CHD7: variants seen among roughly 807,000 people sequenced by gnomAD.
CHD7 encodes chromodomain helicase DNA binding protein 7, also known as ATP-dependent chromatin remodeler CHD7.
In CHD7, 24 loss-of-function variants were observed where a neutral mutation model predicts 307.3. The observed-to-expected ratio is 0.08, with a 90% CI of 0.06 to 0.11. The LOEUF (loss-of-function observed/expected upper bound fraction) is 0.11, where lower values mean the gene tolerates loss of function less well. Ranked by LOEUF, CHD7 falls within the 10% of genes least tolerant of loss-of-function variation. The pLI, the probability that CHD7 is intolerant of heterozygous loss-of-function variation, is 1.00. For missense variants in CHD7, 3,106 were observed against 3,727.1 expected (o/e 0.83, Z 4.34); for synonymous variants, 1,363 against 1,349.9 (o/e 1.01, Z -0.21).
chr8:60,690,120 T>G (rs958760863), intron 1 of CHD7, among the ~76,000 whole-genome samples: 1 of 152,094 alleles, frequency 6.6e-6, no homozygotes, highest in Non-Finnish European at 1.5e-5. Context: ...TATTCTCAAA[T>G]AGGTATACAG....
intron 9 of CHD7, among the ~76,000 whole-genome samples, chr8:60,821,265 T>G (rs1395714813): frequency 6.6e-6 from 1 of 152,194 alleles, no homozygotes; most frequent in African/African-American, 2.4e-5. Context: ...AAATCTCAAA[T>G]TCAGCTTTGC....
rs1805229927 is a variant in CHD7 at position 60,846,834 on chromosome 8, T to C, written c.5210+1425T>C. ...ACCTCCTCAAGGACCCTCAGCCAGTTAGGGGGCAGAACCAGGTTTGAACCC... is the reference window on the plus strand; with the variant it reads ...ACCTCCTCAAGGACCCTCAGCCAGTCAGGGGGCAGAACCAGGTTTGAACCC... On this transcript the variant is annotated intron_variant, in intron 23 of 37. Transcript: ENST00000423902. Among the ~76,000 whole-genome samples the C allele has an allele frequency of 2.0e-5, 3 of 152,186 alleles. No individual in the cohort carries two copies. The South Asian group carries it at 6.2e-4, about 31-fold the overall frequency.
chr8:60,789,816 T>C (rs1811683710), intron 3 of CHD7, among the ~76,000 whole-genome samples: 1 of 152,276 alleles, frequency 6.6e-6, no homozygotes, highest in African/African-American at 2.4e-5. Context: ...AGTTGTAAGC[T>C]GAACATGACT....
chr8:60,845,469 C>T, intron 23 of CHD7, 60 bp downstream of exon 23: 3 of 1,538,466 alleles, frequency 1.9e-6, no homozygotes, highest in Admixed American at 1.9e-5. Context: ...TTAAAAAATA[C>T]ATGCAGCCGG....
intron 29 of CHD7, 108 bp from the exon 30 acceptor site, chr8:60,852,390 C>G (rs1805495176): frequency 7.7e-7 from 1 of 1,302,080 alleles, no homozygotes; most frequent in African/African-American, 1.5e-5. Context: ...TGTTTCCCCA[C>G]CCCCAAATAA....
chr8:60,707,310 T>C (rs901003983), intron 1 of CHD7, among the ~76,000 whole-genome samples: 2 of 152,230 alleles, frequency 1.3e-5, no homozygotes, highest in African/African-American at 4.8e-5. Context: ...TGTGATCCTC[T>C]ACATCCAGCA....
At chr8:60,784,373 AC>A (rs1811394948) in intron 3 of CHD7, among the ~76,000 whole-genome samples, 1 of 152,232 alleles carries the variant, frequency 6.6e-6, no homozygotes, top group South Asian at 2.1e-4. Context: ...AATAAACAGA[AC>A]CGAAATGAAA....
At chr8:60,765,828 C>T (rs1176682041) in intron 2 of CHD7, among the ~76,000 whole-genome samples, 2 of 152,100 alleles carry the variant, frequency 1.3e-5, no homozygotes, top group African/African-American at 4.8e-5. Flanking sequence ...TTGCTAAAAC[C>T]AGAAGATTTG....
intron 33 of CHD7, 29 bp downstream of exon 33, chr8:60,856,231 T>A (rs1563664660): frequency 6.6e-7 from 1 of 1,509,520 alleles, no homozygotes; most frequent in East Asian, 2.4e-5. Flanking sequence ...TTTCTGCAGC[T>A]TAAAAGGGAG....
intron 2 of CHD7, among the ~76,000 whole-genome samples, chr8:60,760,062 A>G (rs1810102151): frequency 6.6e-6 from 1 of 152,186 alleles, no homozygotes. Context: ...AGTTTAGTTC[A>G]GGGAAGAGGT....
At chr8:60,852,407 T>A (rs758497093) in intron 29 of CHD7, 91 bp from the exon 30 acceptor site, 1 of 1,348,774 alleles carries the variant, frequency 7.4e-7, no homozygotes. Context: ...ATAACTACCA[T>A]GTATAAAGTC....
chr8:60,830,330 A>G lies in CHD7; in HGVS notation c.3531A>G (p.Lys1177=), dbSNP rs1804451477. ...GDLKTEEQVQ[K]LQAILKPMML... is the part of the protein sequence containing the mutation. Reference sequence around the variant, plus strand: ...TTAAGGTCCTTTTTTAGGTGCAAAAACTTCAAGCTATTCTAAAGCCAATGA... The same window carrying G: ...TTAAGGTCCTTTTTTAGGTGCAAAAGCTTCAAGCTATTCTAAAGCCAATGA... The change falls in exon 15 of 38, where the codon AAA becomes AAG. Residue 1177 remains lysine (K), a synonymous_variant. Coordinates refer to ENST00000423902, the MANE Select transcript of CHD7 (RefSeq NM_017780.4). 2 of 1,610,410 alleles carry G rather than the reference A, an allele frequency of 1.2e-6. No individual in the cohort carries two copies. Among genetic ancestry groups the G allele is most frequent in the Admixed American group, 3.4e-5 (2 of 59,268 alleles).
Position 60,739,032 on chromosome 8 carries a change from G to A in CHD7, c.-174-2227G>A, listed in dbSNP as rs572891030. 3.9e-5 allele frequency among the ~76,000 whole-genome samples: 6 copies of A among 152,148 alleles called. No individual in the cohort carries two copies. In the South Asian group the frequency reaches 1.0e-3, roughly 26 times the overall value. The stretch of plus-strand genomic sequence containing the variant: ...ATAAAAAGTTAGCACCAACTTCATC[G>A]CCACTTCTCCAAGCTTGATCTGACT... On this transcript the variant is annotated intron_variant, in intron 1 of 37. Coordinates refer to ENST00000423902, the MANE Select transcript of CHD7 (RefSeq NM_017780.4).
chr8:60,811,552 G>A (rs761330777), intron 7 of CHD7, among the ~76,000 whole-genome samples: 39 of 152,100 alleles, frequency 2.6e-4, no homozygotes, highest in Non-Finnish European at 4.0e-4. Context: ...CATGACTGCC[G>A]TAACCATTCA....
chr8:60,844,821 A>T (rs759782802), intron 21 of CHD7, 43 bp from the exon 22 acceptor site: 144 of 1,499,574 alleles, frequency 9.6e-5, no homozygotes, highest in Non-Finnish European at 1.3e-4. Flanking sequence ...GCCATAAATC[A>T]AAACTCACAG....
chr8:60,769,555 A>G (rs929741514), intron 2 of CHD7, among the ~76,000 whole-genome samples: 5 of 152,230 alleles, frequency 3.3e-5, no homozygotes, highest in African/African-American at 1.2e-4. Flanking sequence ...CATGACATAG[A>G]TCACAGATTT....
intron 1 of CHD7, among the ~76,000 whole-genome samples, chr8:60,692,693 A>G (rs1262149134): frequency 1.3e-5 from 2 of 152,118 alleles, no homozygotes; most frequent in Non-Finnish European, 2.9e-5. Flanking sequence ...TAGAGGCCAT[A>G]CTGACCACCC....
Position 60,687,892 on chromosome 8 carries a change from A to G in CHD7, c.-175+8810A>G, listed in dbSNP as rs575474393. On this transcript the variant is annotated intron_variant, in intron 1 of 37. Coordinates refer to ENST00000423902, the MANE Select transcript of CHD7 (RefSeq NM_017780.4). ...GACTCCACAATCTGTGTACATAAGC[A>G]TGGTGCTGCTGTTGCCACGTAGACC... is the stretch of plus-strand genomic sequence containing the variant. Among the ~76,000 whole-genome samples, 13 of 152,332 alleles carry G rather than the reference A, an allele frequency of 8.5e-5. No homozygotes were observed. In the East Asian group the frequency reaches 2.5e-3, roughly 29 times the overall value.
chr8:60,726,466 A>G (rs1305979574), intron 1 of CHD7, among the ~76,000 whole-genome samples: 1 of 152,258 alleles, frequency 6.6e-6, no homozygotes, highest in Non-Finnish European at 1.5e-5. Flanking sequence ...AATGCTTTCG[A>G]AATTAAGATA....
Sources: gnomAD v4.1 joint callset for allele counts (sites outside exome capture counted in the v4.1 genomes callset) on GRCh38, gnomAD v4.1.1 for gene constraint, MANE v1.5 for transcripts, NCBI Gene and HGNC (gene_info 2026-07-23, HGNC 2026-07-21) for gene names.